The following CHN2 variants were observed in gnomAD, a reference collection of about 807,000 sequenced individuals.
CHN2 encodes chimerin 2.
CHN2 carries 35 observed loss-of-function variants against 56.3 expected under a neutral mutation model. The observed-to-expected ratio is 0.62, with a 90% CI of 0.47 to 0.82. CHN2 has a LOEUF of 0.82. CHN2 is among the 40% of genes least tolerant of loss of function. The probability of loss-of-function intolerance (pLI) is 0.00; values close to 1 mark genes in which losing one functional copy is unlikely to be tolerated. For missense variants in CHN2, 491 were observed against 580.5 expected, an observed-to-expected ratio of 0.85 and a Z score of 1.58; for synonymous variants, 210 against 212.8, an observed-to-expected ratio of 0.99 and a Z score of 0.12.
intron 6 of CHN2, among the ~76,000 whole-genome samples, chr7:29,408,203 A>T (rs60890355): frequency 0.12 from 17,993 of 148,992 alleles, 1,168 homozygotes; most frequent in East Asian, 0.17. Context: ...AAAAAAAAAT[A>T]AATTAAATTA....
intron 1 of CHN2, among the ~76,000 whole-genome samples, chr7:29,352,672 A>G (rs1490487195): frequency 6.6e-6 from 1 of 152,144 alleles, no homozygotes; most frequent in Middle Eastern, 3.2e-3. Flanking sequence ...GCAGTGAGCC[A>G]AGATCATGCC....
intron 1 of CHN2, among the ~76,000 whole-genome samples, chr7:29,348,027 T>C (rs149499995): frequency 2.2e-4 from 33 of 152,360 alleles, no homozygotes; most frequent in African/African-American, 7.5e-4. Context: ...GGGAACTTTC[T>C]ACAGTGTACA....
chr7:29,312,519 T>C (rs1794676145), intron 1 of CHN2, among the ~76,000 whole-genome samples: 1 of 152,212 alleles, frequency 6.6e-6, no homozygotes, highest in Non-Finnish European at 1.5e-5. Context: ...AACTTTATTA[T>C]AGAGGTCAGA....
At chr7:29,370,581 G>T (rs1004361011) in intron 3 of CHN2, among the ~76,000 whole-genome samples, 1 of 151,950 alleles carries the variant, frequency 6.6e-6, no homozygotes, top group Non-Finnish European at 1.5e-5. Flanking sequence ...GGTCCCTAGC[G>T]TGGTAGCTCC....
intron 2 of CHN2, among the ~76,000 whole-genome samples, chr7:29,158,167 T>C (rs1261110302): frequency 6.6e-6 from 1 of 151,878 alleles, no homozygotes; most frequent in Admixed American, 6.6e-5. Flanking sequence ...TTCCTTAGAG[T>C]TGAGTATATT....
intron 2 of CHN2, among the ~76,000 whole-genome samples, chr7:29,172,377 A>G (rs966189596): frequency 1.3e-5 from 2 of 152,186 alleles, no homozygotes; most frequent in Non-Finnish European, 2.9e-5. Flanking sequence ...ACCCTTGGTT[A>G]TGATAGCATC....
chr7:29,293,924 C>T lies in CHN2; in HGVS notation c.50-60701C>T, dbSNP rs532796672. ...CTGTGTCGCCCAGGCTGGACTGCAG[C>T]GGCGCGATCTCGGCTCACTGCAAGC... On this transcript the variant is annotated intron_variant, in intron 1 of 12. Transcript: ENST00000222792. Among the ~76,000 whole-genome samples the T allele has an allele frequency of 4.5e-4, 60 of 134,508 alleles. 2 individuals are homozygous for T. Among genetic ancestry groups the T allele is most frequent in the Middle Eastern group, 9.3e-3 (2 of 216 alleles). 88.2% of individuals were successfully genotyped at this position (134,508 alleles called of 152,430 possible).
At chr7:29,509,888 C>T (rs1472060820) in intron 12 of CHN2, among the ~76,000 whole-genome samples, 1 of 151,624 alleles carries the variant, frequency 6.6e-6, no homozygotes, top group African/African-American at 2.4e-5. Context: ...CATTAGGGGC[C>T]TTGTGTCACT....
chr7:29,473,482 T>TTTTTTTTTTTTTTTTG (rs539151442), intron 6 of CHN2, among the ~76,000 whole-genome samples: 2 of 118,196 alleles, frequency 1.7e-5, no homozygotes, highest in African/African-American at 6.6e-5. Flanking sequence ...TTTTTTTTTT[T>TTTTTTTTTTTTTTTTG]TGTGTGTGTG....
At chr7:29,416,886 GC>G (rs1306179564) in intron 6 of CHN2, among the ~76,000 whole-genome samples, 2 of 152,082 alleles carry the variant, frequency 1.3e-5, no homozygotes, top group Non-Finnish European at 2.9e-5. Context: ...TTGCTTTGAT[GC>G]GACATTTCCT....
intron 1 of CHN2, among the ~76,000 whole-genome samples, chr7:29,244,536 A>G (rs1443578000): frequency 6.6e-6 from 1 of 152,216 alleles, no homozygotes; most frequent in Non-Finnish European, 1.5e-5. Context: ...TGCATTGAGG[A>G]TGGTGAGGCT....
chr7:29,326,099 C>A (rs1417572760), intron 1 of CHN2, among the ~76,000 whole-genome samples: 2 of 152,058 alleles, frequency 1.3e-5, no homozygotes, highest in Non-Finnish European at 2.9e-5. Context: ...CACGTCACCT[C>A]TTTGGGTCTT....
intron 1 of CHN2, among the ~76,000 whole-genome samples, chr7:29,235,409 A>G (rs1026348296): frequency 6.6e-5 from 10 of 152,354 alleles, no homozygotes; most frequent in Admixed American, 4.6e-4. Flanking sequence ...TATGAAGAAA[A>G]GGGAACACAT....
intron 1 of CHN2, among the ~76,000 whole-genome samples, chr7:29,222,541 A>G (rs565110658): frequency 9.9e-5 from 15 of 152,258 alleles, no homozygotes; most frequent in African/African-American, 3.4e-4. Flanking sequence ...AATAAGAAAC[A>G]GTAAATCCAA....
At chr7:29,498,477 TAGAC>T (rs1346209748) in intron 8 of CHN2, among the ~76,000 whole-genome samples, 3 of 152,144 alleles carry the variant, frequency 2.0e-5, no homozygotes, top group Non-Finnish European at 2.9e-5. Context: ...TGAAAGGAGG[TAGAC>T]AGAGAACTCA....
intron 1 of CHN2, among the ~76,000 whole-genome samples, chr7:29,262,896 T>G (rs1789677569): frequency 6.6e-6 from 1 of 152,198 alleles, no homozygotes; most frequent in African/African-American, 2.4e-5. Flanking sequence ...TTTACCTATG[T>G]AATAAACCTG....
chr7:29,151,096 T>C (rs1793530612), intron 2 of CHN2, among the ~76,000 whole-genome samples: 1 of 152,112 alleles, frequency 6.6e-6, no homozygotes, highest in African/African-American at 2.4e-5. Context: ...CATGCCCTGA[T>C]CAACTTATTG....
intron 1 of CHN2, among the ~76,000 whole-genome samples, chr7:29,230,894 C>T (rs574787368): frequency 6.6e-6 from 1 of 151,992 alleles, no homozygotes; most frequent in Non-Finnish European, 1.5e-5. Context: ...TAATATTTAC[C>T]TATTATAAAG....
chr7:29,180,336 A>G (rs1488708361), intron 2 of CHN2, among the ~76,000 whole-genome samples: 2 of 152,158 alleles, frequency 1.3e-5, no homozygotes, highest in African/African-American at 4.8e-5. Context: ...GACCGTCCTG[A>G]CTAACACGGT....
Sources: allele counts gnomAD v4.1 joint callset (sites outside exome capture counted in the v4.1 genomes callset), GRCh38; gene constraint gnomAD v4.1.1; transcripts MANE v1.5; gene names NCBI Gene and HGNC (gene_info 2026-07-23, HGNC 2026-07-21).